Variants in MED12L observed in about 807,000 individuals in gnomAD.
MED12L encodes the protein mediator complex subunit 12L.
Under a neutral mutation model 281.3 loss-of-function variants are expected in MED12L, and 60 were observed. That is an observed-to-expected ratio of 0.21 (90% CI 0.17 to 0.26). MED12L has a LOEUF of 0.26. MED12L is among the 10% of genes least tolerant of loss of function. The probability of loss-of-function intolerance (pLI) is 1.00; values close to 1 mark genes in which losing one functional copy is unlikely to be tolerated. For synonymous variants in MED12L, 974 were observed against 987.2 expected (o/e 0.99, Z 0.25); for missense variants, 2,146 against 2,680.9 (o/e 0.80, Z 4.41).
intron 16 of MED12L, among the ~76,000 whole-genome samples, chr3:151,258,295 C>T (rs1373603178): frequency 6.6e-6 from 1 of 152,224 alleles, no homozygotes; most frequent in African/African-American, 2.4e-5. Flanking sequence ...TTCACTAGTT[C>T]TTCCCACTTT....
At chr3:151,112,772 C>T (rs1166528315) in intron 2 of MED12L, among the ~76,000 whole-genome samples, 1 of 152,078 alleles carries the variant, frequency 6.6e-6, no homozygotes, top group Non-Finnish European at 1.5e-5. Flanking sequence ...AGTGCCCCTA[C>T]TCTGGGTGAC....
intron 3 of MED12L, among the ~76,000 whole-genome samples, 158 bp downstream of exon 3, chr3:151,116,600 G>A (rs545553176): frequency 1.3e-5 from 2 of 152,268 alleles, no homozygotes; most frequent in African/African-American, 4.8e-5. Flanking sequence ...GATCCAATCA[G>A]GGATCATACA....
At chr3:151,205,739 G>A (rs760417099) in intron 16 of MED12L, among the ~76,000 whole-genome samples, 1 of 152,150 alleles carries the variant, frequency 6.6e-6, no homozygotes, top group East Asian at 1.9e-4. Flanking sequence ...AGACCCTAGC[G>A]TCCCAGCTCT....
chr3:151,260,132 AG>A (rs1738584001), intron 16 of MED12L, among the ~76,000 whole-genome samples: 1 of 152,146 alleles, frequency 6.6e-6, no homozygotes, highest in Non-Finnish European at 1.5e-5. Flanking sequence ...GCAGATCATG[AG>A]TGTGTTTCAG....
chr3:151,182,927 A>G (rs1576908273), intron 11 of MED12L, among the ~76,000 whole-genome samples: 1 of 152,188 alleles, frequency 6.6e-6, no homozygotes, highest in African/African-American at 2.4e-5. Context: ...TGTAAGGGTA[A>G]AATGAGATCA....
At chr3:151,362,636 A>G (rs1006871312) in intron 21 of MED12L, among the ~76,000 whole-genome samples, 2 of 152,086 alleles carry the variant, frequency 1.3e-5, no homozygotes, top group African/African-American at 4.8e-5. Flanking sequence ...TGTATGCTTC[A>G]TGACAGCAGA....
rs1169489889 is a variant in MED12L at position 151,434,125 on chromosome 3, CTG to C, written c.*1323_*1324del. 3.9e-5 allele frequency: 6 copies of C among 152,352 alleles called. No homozygotes were observed. The highest frequency in any genetic ancestry group is 8.8e-5 in the Non-Finnish European group (6 of 67,994). The allele number at this position is 152,352 out of a possible 1,614,324, so 9.4% of individuals were successfully genotyped here. ...TGTGGGGGATATTTTCCCATGTTCT[CTG>C]TTATTTCATTTTCTTTTGCCATATG... is the stretch of plus-strand genomic sequence containing the variant. On this transcript the variant is annotated 3_prime_UTR_variant, in exon 45 of 45. Transcript: ENST00000687756.
chr3:151,228,889 A>T (rs1731057194), intron 16 of MED12L, among the ~76,000 whole-genome samples: 1 of 152,198 alleles, frequency 6.6e-6, no homozygotes, highest in Admixed American at 6.5e-5. Context: ...CCCTGGGGCC[A>T]GGCAAGGAAA....
intron 38 of MED12L, among the ~76,000 whole-genome samples, chr3:151,391,627 C>T (rs373214463): frequency 5.5e-4 from 83 of 152,244 alleles, no homozygotes; most frequent in African/African-American, 1.9e-3. Context: ...GTTTTAAGAA[C>T]GTTTACAAAT....
At chr3:151,412,262 A>G (rs1717020395) in intron 41 of MED12L, among the ~76,000 whole-genome samples, 1 of 152,158 alleles carries the variant, frequency 6.6e-6, no homozygotes, top group Admixed American at 6.5e-5. Context: ...TGCTTAGTTT[A>G]ATGCTCTGCA....
chr3:151,087,264 C>T (rs916263557), intron 2 of MED12L, among the ~76,000 whole-genome samples: 1 of 152,198 alleles, frequency 6.6e-6, no homozygotes, highest in Non-Finnish European at 1.5e-5. Context: ...TTTCCCGTTG[C>T]CGGGCCTTGC....
chr3:151,235,924 C>T (rs1428389732), intron 16 of MED12L, among the ~76,000 whole-genome samples: 2 of 152,088 alleles, frequency 1.3e-5, no homozygotes, highest in Non-Finnish European at 2.9e-5. Flanking sequence ...TTTGTTTTCT[C>T]TTGTCTCCCT....
chr3:151,433,773 G>GGT lies in MED12L; in HGVS notation c.*972_*973dup, dbSNP rs1470500750. ...CCAGAAGGCTCTGGTTTTCATAAAA[G>GGT]GTGTATTTGCTGTTTATTTTGTATG... is the stretch of plus-strand genomic sequence containing the variant. On this transcript the variant is annotated 3_prime_UTR_variant, in exon 45 of 45. Coordinates refer to ENST00000687756, the MANE Select transcript of MED12L (RefSeq NM_001393769.1). The GGT allele has an allele frequency of 1.3e-5, 2 of 152,560 alleles. No individual in the cohort carries two copies. Among genetic ancestry groups the GGT allele is most frequent in the African/African-American group, 4.8e-5 (2 of 41,418 alleles). 9.5% of individuals were successfully genotyped at this position (152,560 alleles called of 1,614,324 possible).
Position 151,163,871 on chromosome 3 carries a change from A to G in MED12L, c.1108-22A>G, listed in dbSNP as rs760388947. ...CTTTTCTCCTTCCTCTGAACATCCAACTTTATCTGTTTCATTTCCAGACTG... is the reference window on the plus strand; with the variant it reads ...CTTTTCTCCTTCCTCTGAACATCCAGCTTTATCTGTTTCATTTCCAGACTG... On this transcript the variant is annotated intron_variant, in intron 8 of 44. Coordinates refer to ENST00000687756, the MANE Select transcript of MED12L (RefSeq NM_001393769.1). 2.4e-5 allele frequency: 39 copies of G among 1,605,962 alleles called. No individual in the cohort carries two copies. The Admixed American group carries it at 6.1e-4, about 25-fold the overall frequency.
chr3:151,097,620 C>G (rs149783162), intron 2 of MED12L, among the ~76,000 whole-genome samples: 1 of 152,244 alleles, frequency 6.6e-6, no homozygotes, highest in South Asian at 2.1e-4. Flanking sequence ...TGGATTTCAA[C>G]TGGCGAGGGG....
intron 39 of MED12L, among the ~76,000 whole-genome samples, chr3:151,395,069 GAT>G (rs1236036796): frequency 1.3e-5 from 2 of 152,146 alleles, no homozygotes; most frequent in African/African-American, 2.4e-5. Flanking sequence ...ATAAGAATTT[GAT>G]ATGTCTTAGG....
At chr3:151,193,764 A>G (rs1386844200) in intron 16 of MED12L, 98 bp downstream of exon 16, 5 of 1,110,942 alleles carry the variant, frequency 4.5e-6, no homozygotes, top group Non-Finnish European at 6.4e-6. Flanking sequence ...TTGACTAATA[A>G]TGATAGCAGG....
intron 5 of MED12L, among the ~76,000 whole-genome samples, chr3:151,130,960 A>G (rs1240848023): frequency 1.3e-5 from 2 of 152,232 alleles, no homozygotes; most frequent in Non-Finnish European, 2.9e-5. Flanking sequence ...AGTACTTGGC[A>G]TACACAAGGT....
intron 16 of MED12L, among the ~76,000 whole-genome samples, chr3:151,253,999 G>GT (rs11453294): frequency 0.51 from 69,842 of 136,784 alleles, 17,173 homozygotes; most frequent in African/African-American, 0.54. Flanking sequence ...ATTTTTTCTT[G>GT]TTTTTTTTTT....
Sources: allele counts gnomAD v4.1 joint callset (sites outside exome capture counted in the v4.1 genomes callset), GRCh38; gene constraint gnomAD v4.1.1; transcripts MANE v1.5; gene names NCBI Gene and HGNC (gene_info 2026-07-23, HGNC 2026-07-21).